TBC1D9B: variants seen among roughly 807,000 people sequenced by gnomAD.
The protein encoded by TBC1D9B is TBC1 domain family, member 9B (with GRAM domain).
Under a neutral mutation model 121.1 loss-of-function variants are expected in TBC1D9B, and 87 were observed. That is an observed-to-expected ratio of 0.72 (90% CI 0.60 to 0.86). The LOEUF (loss-of-function observed/expected upper bound fraction) is 0.86. Ranked by LOEUF, TBC1D9B falls within the 40% of genes least tolerant of loss-of-function variation. The pLI, the probability that TBC1D9B is intolerant of heterozygous loss-of-function variation, is 0.00. For synonymous variants in TBC1D9B, 668 were observed against 670.1 expected (o/e 1.00, Z 0.05); for missense variants, 1,540 against 1,628.6 (o/e 0.95, Z 0.94).
chr5:179,893,106 T>C (rs917855909), intron 5 of TBC1D9B, 103 bp downstream of exon 5: 3 of 1,473,886 alleles, frequency 2.0e-6, no homozygotes, highest in Non-Finnish European at 2.7e-6. Flanking sequence ...GGGGTGAATG[T>C]GGACACCTTC....
Position 179,863,813 on chromosome 5 carries a change from C to G in TBC1D9B, c.3337G>C (p.Gly1113Arg), listed in dbSNP as rs146018049. Residue 1113 changes from glycine to arginine, a missense_variant, in exon 21 of 21, where the codon GGG (glycine) becomes CGG (arginine). Coordinates refer to ENST00000355235, the MANE Select transcript of TBC1D9B (RefSeq NM_015043.4). The surrounding 1 kb of genome is among the most constrained non-coding windows in gnomAD (Gnocchi z 4.5). ...GAGCCCTGTCCCTCGCCGCTGCCCCCCTCCACCACCACCTGGCTCTCCTGT... is the reference window on the plus strand; with the variant it reads ...GAGCCCTGTCCCTCGCCGCTGCCCCGCTCCACCACCACCTGGCTCTCCTGT... ...APQESQVVVEGGSGEGQGSPS... is the reference protein window; with the variant it reads ...APQESQVVVERGSGEGQGSPS... 4 of 1,613,678 alleles carry G rather than the reference C, an allele frequency of 2.5e-6. No homozygotes were observed. The highest frequency in any genetic ancestry group is 2.5e-6 in the Non-Finnish European group (3 of 1,179,970).
chr5:179,874,871 C>T lies in TBC1D9B; in HGVS notation c.2186+31G>A. 1 of 1,605,898 alleles carries T rather than the reference C, an allele frequency of 6.2e-7. No individual in the cohort carries two copies. ...GCTGGTGAGGGGTTCTGCTGTGAGCCCCCAGCAGGAGAAGGAACCCGGCAT... is the reference window on the plus strand; with the variant it reads ...GCTGGTGAGGGGTTCTGCTGTGAGCTCCCAGCAGGAGAAGGAACCCGGCAT... On this transcript the variant is annotated intron_variant, in intron 12 of 20. Transcript: ENST00000355235. This position sits in a 1 kb window ranked among gnomAD's most constrained non-coding sequence, Gnocchi z 4.3.
At chr5:179,893,150 A>G in intron 5 of TBC1D9B, 59 bp downstream of exon 5, 3 of 1,540,270 alleles carry the variant, frequency 1.9e-6, no homozygotes, top group Non-Finnish European at 2.6e-6. Flanking sequence ...GGCAGGTCCC[A>G]GCCAAGGTCA....
intron 7 of TBC1D9B, among the ~76,000 whole-genome samples, chr5:179,887,179 C>T (rs951159009): frequency 6.6e-6 from 1 of 152,192 alleles, no homozygotes; most frequent in Non-Finnish European, 1.5e-5. Context: ...AGCTCCCAGA[C>T]GAAAGGAGGA....
intron 6 of TBC1D9B, among the ~76,000 whole-genome samples, chr5:179,888,942 C>T (rs11954369): frequency 0.017 from 2,609 of 152,178 alleles, 70 homozygotes; most frequent in African/African-American, 0.06. Flanking sequence ...ACAGCAGTCA[C>T]CCTGCAGAGG....
intron 3 of TBC1D9B, 124 bp downstream of exon 3, chr5:179,899,065 C>T (rs916984535): frequency 1.2e-5 from 9 of 739,858 alleles, no homozygotes; most frequent in African/African-American, 1.1e-4. Context: ...GGAGCGCTGA[C>T]ACTTCAGTCT....
In TBC1D9B at chr5:179,865,525, G is replaced by T; in HGVS notation, c.2915-165C>A. Reference sequence around the variant, plus strand: ...GGTCATGGGAAAAAAACCCAGAACAGCCACAGGTTTTCCCTAAATTGCTGC... The same window carrying T: ...GGTCATGGGAAAAAAACCCAGAACATCCACAGGTTTTCCCTAAATTGCTGC... On this transcript the variant is annotated intron_variant, in intron 19 of 20. Coordinates refer to ENST00000355235, the MANE Select transcript of TBC1D9B (RefSeq NM_015043.4). This position sits in a 1 kb window ranked among gnomAD's most constrained non-coding sequence, Gnocchi z 5.1. The T allele has an allele frequency of 1.5e-6, 1 of 672,658 alleles. No individual in the cohort carries two copies. Among genetic ancestry groups the T allele is most frequent in the Non-Finnish European group, 2.6e-6 (1 of 391,430 alleles). 41.7% of individuals were successfully genotyped at this position (672,658 alleles called of 1,614,324 possible). A position where few individuals can be genotyped will look rare whatever the true frequency, so the allele number is the denominator to read the frequency against.
intron 3 of TBC1D9B, among the ~76,000 whole-genome samples, chr5:179,895,011 T>A (rs1490054676): frequency 1.3e-5 from 2 of 151,884 alleles, no homozygotes; most frequent in Non-Finnish European, 2.9e-5. Context: ...ATAGGTGTAC[T>A]CCACCACACC....
chr5:179,864,100 A>G lies in TBC1D9B; in HGVS notation c.3050T>C (p.Leu1017Pro). 1 of 1,612,960 alleles carries G rather than the reference A, an allele frequency of 6.2e-7. No homozygotes were observed. Among genetic ancestry groups the G allele is most frequent in the Non-Finnish European group, 8.5e-7 (1 of 1,179,652 alleles). ...GGGGTCTTCACTGAACATGTTGTAA[A>G]GCGTCTTGCACAGCTCAATGAACTG... The part of the protein sequence containing the change: ...QEQFIELCKT[L>P]YNMFSEDPME... The change falls in exon 21 of 21, where the codon CTT (leucine) becomes CCT (proline). Residue 1017 changes from leucine (L) to proline (P), a missense_variant. Leu to Pro is a moderately conservative substitution (Grantham distance 98, BLOSUM62 -3). Coordinates refer to ENST00000355235, the MANE Select transcript of TBC1D9B (RefSeq NM_015043.4).
rs1394052124 is a variant in TBC1D9B, at chr5:179,902,204, G to GT, written c.229+2497dup. ...TAAGGAGGAAGGATGGGTCTGTGGA[G>GT]TCTGGGCAGTTCTCAGAGGAGCGGG... On this transcript the variant is annotated intron_variant, in intron 2 of 20. Coordinates refer to ENST00000355235, the MANE Select transcript of TBC1D9B (RefSeq NM_015043.4). The surrounding 1 kb of genome is among the most constrained non-coding windows in gnomAD (Gnocchi z 4.9). 1.3e-5 allele frequency among the ~76,000 whole-genome samples: 2 copies of GT among 152,270 alleles called. No individual in the cohort carries two copies. The highest frequency in any genetic ancestry group is 1.3e-4 in the Admixed American group (2 of 15,284).
At chr5:179,872,848 G>GGCCCCCCCCCCCCCCCCC in intron 14 of TBC1D9B, 44 bp downstream of exon 14, 2 of 1,457,244 alleles carry the variant, frequency 1.4e-6, no homozygotes, top group Non-Finnish European at 1.9e-6. Flanking sequence ...AGGCACTGCT[G>GGCCCCCCCCCCCCCCCCC]CCCCCCCAGC....
chr5:179,865,211 G>C lies in TBC1D9B; in HGVS notation c.3021+43C>G, dbSNP rs780791618. ...TGATGTTAGGGCCCAGTCTTGGTCA[G>C]AACTCTCCAGAAATGTCTACTGTGG... is the stretch of plus-strand genomic sequence containing the variant. On this transcript the variant is annotated intron_variant, in intron 20 of 20. Transcript: ENST00000355235. This position sits in a 1 kb window ranked among gnomAD's most constrained non-coding sequence, Gnocchi z 5.1. 1 of 1,594,430 alleles carries C rather than the reference G, an allele frequency of 6.3e-7. No homozygotes were observed. The highest frequency in any genetic ancestry group is 2.2e-5 in the East Asian group (1 of 44,788).
rs1289644794 is a variant in TBC1D9B, at chr5:179,874,772, A to G, written c.2186+130T>C. ...GAAAGGAGCCGCCTCCTGACCCCAG[A>G]GCACCCCCGGGTCCAGCTGCAGCCT... On this transcript the variant is annotated intron_variant, in intron 12 of 20. Coordinates refer to ENST00000355235, the MANE Select transcript of TBC1D9B (RefSeq NM_015043.4). This position sits in a 1 kb window ranked among gnomAD's most constrained non-coding sequence, Gnocchi z 4.3. 1 of 1,359,938 alleles carries G rather than the reference A, an allele frequency of 7.4e-7. No homozygotes were observed. Among genetic ancestry groups the G allele is most frequent in the Non-Finnish European group, 9.9e-7 (1 of 1,013,972 alleles). The allele number at this position is 1,359,938 out of a possible 1,614,324, so 84.2% of individuals were successfully genotyped here. A position where few individuals can be genotyped will look rare whatever the true frequency, so the allele number is the denominator to read the frequency against.
intron 1 of TBC1D9B, among the ~76,000 whole-genome samples, chr5:179,906,213 C>T (rs114828532): frequency 0.019 from 2,959 of 152,300 alleles, 61 homozygotes; most frequent in African/African-American, 0.061. Flanking sequence ...GGCCACGATG[C>T]CCATGATGGC....
chr5:179,866,324 G>C lies in TBC1D9B; in HGVS notation c.2864-436C>G, dbSNP rs950398363. 62 of 184,528 alleles carry C rather than the reference G, an allele frequency of 3.4e-4. No homozygotes were observed. The Admixed American group carries it at 3.7e-3, about 11-fold the overall frequency. 11.4% of individuals were successfully genotyped at this position (184,528 alleles called of 1,614,324 possible). ...CGCCTGCTGTGCCTGTTACTGAGGGGTGGTCTGTGCACAGCTCCTGTGCTT... is the reference window on the plus strand; with the variant it reads ...CGCCTGCTGTGCCTGTTACTGAGGGCTGGTCTGTGCACAGCTCCTGTGCTT... On this transcript the variant is annotated intron_variant, in intron 18 of 20. Coordinates refer to ENST00000355235, the MANE Select transcript of TBC1D9B (RefSeq NM_015043.4).
intron 3 of TBC1D9B, among the ~76,000 whole-genome samples, chr5:179,896,841 T>A (rs1271618844): frequency 6.6e-6 from 1 of 152,190 alleles, no homozygotes; most frequent in Non-Finnish European, 1.5e-5. Context: ...GTCTAAATTC[T>A]TAAAGGTACT....
chr5:179,867,864 A>T lies in TBC1D9B; in HGVS notation c.2792-15T>A, dbSNP rs1229150936. 7 of 1,508,294 alleles carry T rather than the reference A, an allele frequency of 4.6e-6. No homozygotes were observed. In the Admixed American group the frequency reaches 1.6e-4, roughly 34 times the overall value. 93.4% of individuals were successfully genotyped at this position (1,508,294 alleles called of 1,614,324 possible). ...TGGGCTCAGAGCTGTGCTTGGAGAG[A>T]AGGCAGAGTGAGGGCAGGAGGAAAC... On this transcript the variant is annotated splice_polypyrimidine_tract_variant and intron_variant, in intron 17 of 20. Coordinates refer to ENST00000355235, the MANE Select transcript of TBC1D9B (RefSeq NM_015043.4).
At position 179,863,312 on chromosome 5, in the gene TBC1D9B, C is replaced by G. The variant is rs771263851; in HGVS notation, c.*136G>C. The G allele has an allele frequency of 2.9e-6, 3 of 1,038,430 alleles. No individual in the cohort carries two copies. In the East Asian group the frequency reaches 7.8e-5, roughly 27 times the overall value. The allele number at this position is 1,038,430 out of a possible 1,614,324, so 64.3% of individuals were successfully genotyped here. ...AGCTGGGTCTGCACCAGCCTTCTTT[C>G]CACTCACAACTCACTGCTCCTGGGA... On this transcript the variant is annotated 3_prime_UTR_variant, in exon 21 of 21. Transcript: ENST00000355235. This position sits in a 1 kb window ranked among gnomAD's most constrained non-coding sequence, Gnocchi z 4.5.
chr5:179,867,372 C>A, intron 18 of TBC1D9B: 2 of 1,462,806 alleles, frequency 1.4e-6, no homozygotes, highest in Non-Finnish European at 9.2e-7. Flanking sequence ...GGACAAAGAG[C>A]TTCCAGGCTT....
Sources: gnomAD v4.1 joint callset for allele counts (sites outside exome capture counted in the v4.1 genomes callset) on GRCh38, gnomAD v4.1.1 for gene constraint, Gnocchi (gnomAD v3.1) non-coding constraint, MANE v1.5 for transcripts, NCBI Gene and HGNC (gene_info 2026-07-23, HGNC 2026-07-21) for gene names.